Variants in TTC8 observed in about 807,000 individuals in gnomAD.
TTC8 encodes tetratricopeptide repeat protein 8.
Under a neutral mutation model 72.5 loss-of-function variants are expected in TTC8, and 47 were observed. The observed-to-expected ratio is 0.65, with a 90% CI of 0.51 to 0.83. The LOEUF is 0.83. Ranked by LOEUF, TTC8 falls within the 40% of genes least tolerant of loss-of-function variation. The probability of loss-of-function intolerance (pLI) is 0.00; values close to 1 mark genes in which losing one functional copy is unlikely to be tolerated. For missense variants in TTC8, 611 were observed against 623.2 expected (o/e 0.98, Z 0.21); for synonymous variants, 199 against 221.4 (o/e 0.90, Z 0.90).
At chr14:88,844,632 C>G (rs1007646853) in intron 7 of TTC8, among the ~76,000 whole-genome samples, 2 of 151,956 alleles carry the variant, frequency 1.3e-5, no homozygotes, top group Non-Finnish European at 2.9e-5. Context: ...GTAGCCTTGA[C>G]TTCCCAGGCT....
chr14:88,864,116 A>C (rs8009688), intron 10 of TTC8, among the ~76,000 whole-genome samples: 15,428 of 152,138 alleles, frequency 0.1, 2,102 homozygotes, highest in African/African-American at 0.3. Context: ...TACCTAGGTG[A>C]TAGTATATGA....
At chr14:88,874,229 C>G (rs1179676987) in intron 13 of TTC8, among the ~76,000 whole-genome samples, 1 of 152,028 alleles carries the variant, frequency 6.6e-6, no homozygotes, top group East Asian at 1.9e-4. Context: ...TTATATCTTT[C>G]ATTCTATATT....
Position 88,857,244 on chromosome 14 carries a change from G to A in TTC8, c.765G>A (p.Gln255=), listed in dbSNP as rs1447524979. Residue 255 remains glutamine, a synonymous_variant, in exon 9 of 15, where the codon CAG becomes CAA. Coordinates refer to ENST00000380656, the MANE Select transcript of TTC8 (RefSeq NM_144596.4). The part of the protein sequence containing the change: ...EKQFKSALKQ[Q]EMVDTFLYLA... Reference sequence around the variant, plus strand: ...AGTTTAAATCAGCCCTGAAGCAGCAGGAAATGGTAGATACATTTCTGTACT... The same window carrying A: ...AGTTTAAATCAGCCCTGAAGCAGCAAGAAATGGTAGATACATTTCTGTACT... 1 of 1,613,850 alleles carries A rather than the reference G, an allele frequency of 6.2e-7. No individual in the cohort carries two copies. Among genetic ancestry groups the A allele is most frequent in the Non-Finnish European group, 8.5e-7 (1 of 1,179,900 alleles).
At chr14:88,862,443 A>G (rs2141018170) in intron 10 of TTC8, among the ~76,000 whole-genome samples, 1 of 147,842 alleles carries the variant, frequency 6.8e-6, no homozygotes, top group East Asian at 2.0e-4. Context: ...ATGGACAAAC[A>G]ATCCAGTGGA....
chr14:88,830,320 T>G (rs1222061300), intron 1 of TTC8, among the ~76,000 whole-genome samples: 1 of 152,200 alleles, frequency 6.6e-6, no homozygotes, highest in Non-Finnish European at 1.5e-5. Flanking sequence ...TTCTAGGAAG[T>G]GGCACTCTAC....
At chr14:88,866,382 A>AACACAC (rs10553603) in intron 10 of TTC8, among the ~76,000 whole-genome samples, 3,051 of 146,640 alleles carry the variant, frequency 0.021, 88 homozygotes, top group African/African-American at 0.063. Flanking sequence ...GGGAGATTTA[A>AACACAC]ACACACACAC....
intron 8 of TTC8, among the ~76,000 whole-genome samples, chr14:88,854,759 C>T (rs1470688770): frequency 6.6e-6 from 1 of 152,120 alleles, no homozygotes; most frequent in Non-Finnish European, 1.5e-5. Flanking sequence ...GATTGTGGCT[C>T]ACTGCAGCCT....
At chr14:88,876,075 A>G (rs1276190910) in intron 14 of TTC8, among the ~76,000 whole-genome samples, 1 of 152,196 alleles carries the variant, frequency 6.6e-6, no homozygotes, top group South Asian at 2.1e-4. Flanking sequence ...AAAGAGGTTA[A>G]AAGACTTCTG....
intron 10 of TTC8, among the ~76,000 whole-genome samples, chr14:88,862,838 T>C (rs1331617792): frequency 6.6e-6 from 1 of 151,212 alleles, no homozygotes; most frequent in Admixed American, 6.6e-5. Flanking sequence ...TTTAGAGTCA[T>C]GTCGTCAAAT....
intron 2 of TTC8, among the ~76,000 whole-genome samples, chr14:88,834,466 G>C (rs2094740799): frequency 6.6e-6 from 1 of 152,184 alleles, no homozygotes; most frequent in South Asian, 2.1e-4. Context: ...AATGTTAACA[G>C]CGGTTTTTTT....
Position 88,871,063 on chromosome 14 carries a change from T to G in TTC8, c.1050-486T>G, listed in dbSNP as rs1402237461. 6.6e-6 allele frequency among the ~76,000 whole-genome samples: 1 copy of G among 152,218 alleles called. No individual in the cohort carries two copies. Among genetic ancestry groups the G allele is most frequent in the East Asian group, 1.9e-4 (1 of 5,198 alleles). ...GTAAGGATCCGCTGATGGTCTTGTCTTCCTCAGTGGAAGCTCATTGGAGTT... is the reference window on the plus strand; with the variant it reads ...GTAAGGATCCGCTGATGGTCTTGTCGTCCTCAGTGGAAGCTCATTGGAGTT... On this transcript the variant is annotated intron_variant, in intron 11 of 14. Coordinates refer to ENST00000380656, the MANE Select transcript of TTC8 (RefSeq NM_144596.4). The surrounding 1 kb of genome is among the most constrained non-coding windows in gnomAD (Gnocchi z 4.1).
intron 14 of TTC8, among the ~76,000 whole-genome samples, chr14:88,876,896 C>A (rs556879974): frequency 6.6e-6 from 1 of 152,120 alleles, no homozygotes; most frequent in African/African-American, 2.4e-5. Context: ...ATAGTTTTCT[C>A]TAAGTTTTCT....
intron 10 of TTC8, among the ~76,000 whole-genome samples, 188 bp from the exon 11 acceptor site, chr14:88,869,871 T>C (rs146038685): frequency 6.6e-6 from 1 of 152,326 alleles, no homozygotes; most frequent in African/African-American, 2.4e-5. Context: ...ATACCAGATG[T>C]CACCTCCCTG....
At chr14:88,862,569 TA>T (rs1566852718) in intron 10 of TTC8, among the ~76,000 whole-genome samples, 7 of 63,266 alleles carry the variant, frequency 1.1e-4, no homozygotes, top group African/African-American at 4.6e-4. Flanking sequence ...TATATATATA[TA>T]TATATATATA....
At chr14:88,844,196 T>G (rs1039530244) in intron 7 of TTC8, among the ~76,000 whole-genome samples, 2 of 152,244 alleles carry the variant, frequency 1.3e-5, no homozygotes, top group Admixed American at 6.5e-5. Flanking sequence ...ATTATAGGTT[T>G]ACTAACATGC....
At chr14:88,850,666 G>A (rs150534925) in intron 7 of TTC8, among the ~76,000 whole-genome samples, 342 of 152,274 alleles carry the variant, frequency 2.2e-3, no homozygotes, top group Non-Finnish European at 4.1e-3. Flanking sequence ...TCCAGCCTGG[G>A]CAACAGAGCA....
At chr14:88,824,997 T>A (rs1019912350) in intron 1 of TTC8, among the ~76,000 whole-genome samples, 176 bp downstream of exon 1, 1 of 152,134 alleles carries the variant, frequency 6.6e-6, no homozygotes, top group African/African-American at 2.4e-5. Flanking sequence ...GGGTCCGCTG[T>A]CCGCCACGTC....
At chr14:88,870,788 A>T (rs1406389704) in intron 11 of TTC8, among the ~76,000 whole-genome samples, 1 of 152,242 alleles carries the variant, frequency 6.6e-6, no homozygotes, top group East Asian at 1.9e-4. Context: ...GAAAGAGATG[A>T]CTGGCAGCTG....
At chr14:88,836,406 G>A (rs1329398186) in intron 2 of TTC8, among the ~76,000 whole-genome samples, 1 of 151,672 alleles carries the variant, frequency 6.6e-6, no homozygotes, top group East Asian at 1.9e-4. Flanking sequence ...GACCTGAGGT[G>A]GGAGGTGGAA....
Sources: gnomAD v4.1 joint callset for allele counts (sites outside exome capture counted in the v4.1 genomes callset) on GRCh38, gnomAD v4.1.1 for gene constraint, Gnocchi (gnomAD v3.1) non-coding constraint, MANE v1.5 for transcripts, NCBI Gene and HGNC (gene_info 2026-07-23, HGNC 2026-07-21) for gene names.